Variants in DIPK1A observed in about 807,000 individuals in gnomAD.
DIPK1A encodes the protein divergent protein kinase domain 1A, also known as family with sequence similarity 69 member A.
Under a neutral mutation model 40.8 loss-of-function variants are expected in DIPK1A, and 27 were observed. That is an observed-to-expected ratio of 0.66 (90% confidence interval 0.49 to 0.91). The LOEUF (loss-of-function observed/expected upper bound fraction) is 0.91, where lower values mean the gene tolerates loss of function less well. DIPK1A is among the 40% of genes least tolerant of loss of function. The probability of loss-of-function intolerance (pLI) is 0.00; values close to 1 mark genes in which losing one functional copy is unlikely to be tolerated. For synonymous variants in DIPK1A, 166 were observed against 171.3 expected (o/e 0.97, Z 0.24); for missense variants, 412 against 505.7 (o/e 0.81, Z 1.78).
intron 4 of DIPK1A, among the ~76,000 whole-genome samples, chr1:92,844,512 A>G (rs1441372776): frequency 1.3e-5 from 2 of 152,236 alleles, no homozygotes; most frequent in African/African-American, 2.4e-5. Context: ...TCATACATTA[A>G]AAAACCACCG....
In DIPK1A at chr1:92,959,902, A is replaced by ATTT. The variant is rs1557502636; in HGVS notation, c.54+1473_54+1474insAAA. On this transcript the variant is annotated intron_variant, in intron 1 of 4. Coordinates refer to ENST00000370310, the MANE Select transcript of DIPK1A (RefSeq NM_001006605.5). ...AGCTGGGACCACAGGCACCCAACCA[A>ATTT]CTTTTTTTTTTTTTTTTTTTTTTTT... Among the ~76,000 whole-genome samples the ATTT allele has an allele frequency of 5.5e-3, 236 of 43,066 alleles. 9 individuals carry two copies. Among genetic ancestry groups the ATTT allele is most frequent in the African/African-American group, 0.015 (117 of 7,928 alleles). The allele number at this position is 43,066 out of a possible 152,430, so 28.3% of individuals were successfully genotyped here.
In DIPK1A at chr1:92,927,472, G is replaced by T. The variant is rs970154423; in HGVS notation, c.54+33904C>A. ...TTCTCCCACCTCAGCCTCCCCAAGT[G>T]CTGGGATTACAGGCATGAGCCTCTG... On this transcript the variant is annotated intron_variant, in intron 1 of 4. Transcript: ENST00000370310. Among the ~76,000 whole-genome samples, 11 of 147,902 alleles carry T rather than the reference G, an allele frequency of 7.4e-5. No homozygotes were observed. The Admixed American group carries it at 7.7e-4, about 10-fold the overall frequency.
chr1:92,890,840 G>T (rs898524410), intron 1 of DIPK1A, among the ~76,000 whole-genome samples: 33 of 152,086 alleles, frequency 2.2e-4, no homozygotes, highest in African/African-American at 8.0e-4. Flanking sequence ...AGAATAAGTT[G>T]GAAGAATGCC....
Position 92,875,099 on chromosome 1 carries a change from A to T in DIPK1A, c.189+1197T>A, listed in dbSNP as rs562800230. 3.3e-5 allele frequency among the ~76,000 whole-genome samples: 5 copies of T among 152,266 alleles called. No individual in the cohort carries two copies. In the East Asian group the frequency reaches 9.6e-4, roughly 29 times the overall value. ...ATAACGTGTTTTTGTATCCTAACTGATGAAGCACCTTGTGTTAAACTGGTT... is the reference window on the plus strand; with the variant it reads ...ATAACGTGTTTTTGTATCCTAACTGTTGAAGCACCTTGTGTTAAACTGGTT... On this transcript the variant is annotated intron_variant, in intron 2 of 4. Transcript: ENST00000370310.
intron 4 of DIPK1A, chr1:92,833,435 A>C (rs767994083): frequency 6.2e-7 from 1 of 1,614,108 alleles, no homozygotes; most frequent in Non-Finnish European, 8.5e-7. Flanking sequence ...AAGAGATACC[A>C]AGTGAAATTT....
intron 1 of DIPK1A, among the ~76,000 whole-genome samples, chr1:92,892,812 T>G (rs987120194): frequency 1.2e-5 from 1 of 83,240 alleles, no homozygotes; most frequent in African/African-American, 5.0e-5. Context: ...TTAAAGGACC[T>G]GATGGAGCTA....
At chr1:92,931,275 A>G (rs758371381) in intron 1 of DIPK1A, 23 of 176,400 alleles carry the variant, frequency 1.3e-4, no homozygotes, top group Admixed American at 2.8e-4. Flanking sequence ...TTATTTAGCA[A>G]TAAAAAGAAA....
intron 4 of DIPK1A, among the ~76,000 whole-genome samples, chr1:92,846,793 A>G (rs1313361694): frequency 0.023 from 17 of 732 alleles, no homozygotes; most frequent in African/African-American, 0.13. Context: ...CACTCCTGGC[A>G]TATATATATA....
intron 1 of DIPK1A, among the ~76,000 whole-genome samples, chr1:92,902,088 T>C (rs2100822800): frequency 6.6e-6 from 1 of 152,148 alleles, no homozygotes; most frequent in Admixed American, 6.5e-5. Context: ...CCAGGCACCA[T>C]TTCCCTGGGA....
chr1:92,888,900 A>G (rs188078352), intron 1 of DIPK1A, among the ~76,000 whole-genome samples: 42 of 152,260 alleles, frequency 2.8e-4, no homozygotes, highest in Middle Eastern at 3.4e-3. Flanking sequence ...AGCTCTTTGT[A>G]TATTCTGGAT....
At chr1:92,944,345 C>A (rs2100897552) in intron 1 of DIPK1A, among the ~76,000 whole-genome samples, 1 of 152,228 alleles carries the variant, frequency 6.6e-6, no homozygotes, top group African/African-American at 2.4e-5. Flanking sequence ...GGATCCAAGT[C>A]TTAAGATTCA....
intron 1 of DIPK1A, among the ~76,000 whole-genome samples, chr1:92,901,554 G>C (rs919997349): frequency 3.3e-5 from 5 of 152,006 alleles, no homozygotes; most frequent in African/African-American, 1.2e-4. Context: ...GGGTGCTTTG[G>C]AGATTTGGGG....
chr1:92,954,438 C>A (rs565506302), intron 1 of DIPK1A, among the ~76,000 whole-genome samples: 107 of 118,934 alleles, frequency 9.0e-4, no homozygotes, highest in South Asian at 2.0e-3. Flanking sequence ...AGTGCAGTGG[C>A]GTGATCTTGG....
At chr1:92,911,464 C>G (rs1649822847) in intron 1 of DIPK1A, among the ~76,000 whole-genome samples, 1 of 152,158 alleles carries the variant, frequency 6.6e-6, no homozygotes, top group African/African-American at 2.4e-5. Context: ...TACTTTGTTA[C>G]AGCAGCCTGA....
chr1:92,878,813 T>C (rs1648246545), intron 1 of DIPK1A, among the ~76,000 whole-genome samples: 1 of 145,724 alleles, frequency 6.9e-6, no homozygotes. Context: ...AGCGAGACTC[T>C]GTCTCAAAAA....
At chr1:92,898,616 A>T (rs761108881) in intron 1 of DIPK1A, among the ~76,000 whole-genome samples, 1 of 152,190 alleles carries the variant, frequency 6.6e-6, no homozygotes, top group Non-Finnish European at 1.5e-5. Context: ...CTGGGACTAT[A>T]GGTGTGAACC....
At chr1:92,900,983 A>G (rs1305771126) in intron 1 of DIPK1A, among the ~76,000 whole-genome samples, 1 of 151,956 alleles carries the variant, frequency 6.6e-6, no homozygotes, top group Non-Finnish European at 1.5e-5. Flanking sequence ...ACTTTCACCT[A>G]TAGTTGGAAC....
intron 1 of DIPK1A, among the ~76,000 whole-genome samples, chr1:92,891,864 T>C (rs2492293): frequency 0.69 from 104,268 of 152,144 alleles, 36,248 homozygotes; most frequent in East Asian, 0.95. Context: ...GATTATATCC[T>C]ACGCATGGCT....
intron 2 of DIPK1A, among the ~76,000 whole-genome samples, chr1:92,860,646 A>AATAGCCAGGTG (rs148916481): frequency 6.7e-5 from 7 of 105,210 alleles, no homozygotes; most frequent in African/African-American, 1.9e-4. Context: ...AAAAAAAAAA[A>AATAGCCAGGTG]TGGTGGTGTG....
Sources: gnomAD v4.1 joint callset for allele counts (sites outside exome capture counted in the v4.1 genomes callset) on GRCh38, gnomAD v4.1.1 for gene constraint, MANE v1.5 for transcripts, NCBI Gene and HGNC (gene_info 2026-07-23, HGNC 2026-07-21) for gene names.